The following HNRNPA2B1 variants were observed in gnomAD, a reference collection of about 807,000 sequenced individuals.
HNRNPA2B1 encodes heterogeneous nuclear ribonucleoproteins A2/B1.
A neutral mutation model predicts 46.3 loss-of-function variants in HNRNPA2B1; 3 were observed. The ratio of observed to expected loss-of-function variants is 0.06; its 90% confidence interval spans 0.03 to 0.17. HNRNPA2B1 has a LOEUF of 0.17. HNRNPA2B1 is among the 10% of genes least tolerant of loss of function. The probability of loss-of-function intolerance (pLI) is 1.00; values close to 1 mark genes in which losing one functional copy is unlikely to be tolerated. For synonymous variants in HNRNPA2B1, 225 were observed against 133.8 expected (o/e 1.68, Z -4.70); for missense variants, 221 against 418.9 (o/e 0.53, Z 4.12).
chr7:26,193,742 A>G, intron 7 of HNRNPA2B1, 48 bp from the exon 8 acceptor site: 2 of 1,483,392 alleles, frequency 1.3e-6, no homozygotes, highest in South Asian at 2.4e-5. Flanking sequence ...TTTCAATACC[A>G]TTTTGAACTG....
chr7:26,192,832 A>AT (rs1260990992), intron 9 of HNRNPA2B1, among the ~76,000 whole-genome samples: 1 of 152,108 alleles, frequency 6.6e-6, no homozygotes, highest in Non-Finnish European at 1.5e-5. Context: ...TGAGTAAGGG[A>AT]TTTTTTTAAA....
At chr7:26,200,434 T>C in intron 1 of HNRNPA2B1, 138 bp downstream of exon 1, 4 of 867,114 alleles carry the variant, frequency 4.6e-6, no homozygotes, top group Non-Finnish European at 7.8e-6. Flanking sequence ...ACCCCGTTCA[T>C]AAACCTTAAG....
At chr7:26,195,244 A>C (rs1029281064) in intron 7 of HNRNPA2B1, among the ~76,000 whole-genome samples, 2 of 152,092 alleles carry the variant, frequency 1.3e-5, no homozygotes, top group Admixed American at 6.5e-5. Flanking sequence ...AGTCATGCCT[A>C]TTGAGTGGCA....
chr7:26,196,232 C>A (rs973605759), intron 6 of HNRNPA2B1, among the ~76,000 whole-genome samples, 169 bp downstream of exon 6: 1 of 152,180 alleles, frequency 6.6e-6, no homozygotes, highest in African/African-American at 2.4e-5. Context: ...TAATACAACT[C>A]TATTAACTTC....
chr7:26,195,733 C>G, intron 7 of HNRNPA2B1, 114 bp downstream of exon 7: 1 of 1,180,484 alleles, frequency 8.5e-7, no homozygotes, highest in African/African-American at 1.6e-5. Context: ...TCACCCAAGC[C>G]ATTTATAGAC....
intron 7 of HNRNPA2B1, among the ~76,000 whole-genome samples, chr7:26,194,471 G>A (rs1783281708): frequency 6.6e-6 from 1 of 151,958 alleles, no homozygotes; most frequent in Admixed American, 6.6e-5. Context: ...AGTTGAGGCG[G>A]GTGGATTGCT....
At chr7:26,195,154 C>CT (rs2128116612) in intron 7 of HNRNPA2B1, among the ~76,000 whole-genome samples, 1 of 145,784 alleles carries the variant, frequency 6.9e-6, no homozygotes, top group South Asian at 2.2e-4. Flanking sequence ...GGCTGAGTCT[C>CT]TAACTTGTAG....
chr7:26,200,364 A>G (rs1305804212), intron 1 of HNRNPA2B1: 2 of 631,328 alleles, frequency 3.2e-6, no homozygotes, highest in East Asian at 5.3e-5. Flanking sequence ...CAGTGAAGGG[A>G]AATGGCGCCG....
chr7:26,196,188 T>C (rs539262067), intron 6 of HNRNPA2B1, among the ~76,000 whole-genome samples: 7 of 152,326 alleles, frequency 4.6e-5, no homozygotes, highest in African/African-American at 1.7e-4. Flanking sequence ...ACACTTCATG[T>C]TACATTATTA....
chr7:26,197,584 AAGAC>A, intron 2 of HNRNPA2B1, 34 bp downstream of exon 2: 1 of 1,572,712 alleles, frequency 6.4e-7, no homozygotes, highest in Non-Finnish European at 8.7e-7. Context: ...ATACAGCTAA[AAGAC>A]TAATATCCAG....
chr7:26,195,861 C>G lies in HNRNPA2B1; in HGVS notation c.707G>C (p.Gly236Ala), dbSNP rs1783537001. The change falls in exon 7 of 11, where the codon GGA becomes GCA. Residue 236 changes from glycine to alanine, a missense_variant. Around this residue, in one of 2 missense-constraint regions of HNRNPA2B1, gnomAD observed 143 missense variants for 200.5 expected, o/e 0.71. Coordinates refer to ENST00000618183, the MANE Select transcript of HNRNPA2B1 (RefSeq NM_002137.4). The stretch of plus-strand genomic sequence containing the variant: ...GGAAAACTGACCTCCAGGTCCTCCT[C>G]CATACCCATTATAGCCATCCCCAAA... ...RGFGDGYNGY[G>A]GGPGGGNFGG... The G allele has an allele frequency of 6.2e-7, 1 of 1,611,694 alleles. No homozygotes were observed. Among genetic ancestry groups the G allele is most frequent in the African/African-American group, 1.3e-5 (1 of 74,724 alleles).
In HNRNPA2B1 at chr7:26,190,933, A is replaced by G. The variant is rs1440504961; in HGVS notation, c.*1427T>C. 1 of 152,650 alleles carries G rather than the reference A, an allele frequency of 6.6e-6. No individual in the cohort carries two copies. Among genetic ancestry groups the G allele is most frequent in the Non-Finnish European group, 1.5e-5 (1 of 68,024 alleles). 9.5% of individuals were successfully genotyped at this position (152,650 alleles called of 1,614,324 possible). On this transcript the variant is annotated 3_prime_UTR_variant, in exon 11 of 11. Transcript: ENST00000618183. ...TTTGATCCAAGAAATGTGAATACAC[A>G]AGGGTGTAACGATGGGAAATCTCAT...
chr7:26,192,629 A>ATCAGCCTAACACTACAGTTGATTCTATT, intron 9 of HNRNPA2B1, 52 bp from the exon 10 acceptor site: 1 of 1,444,634 alleles, frequency 6.9e-7, no homozygotes, highest in Non-Finnish European at 9.7e-7. Flanking sequence ...ATTTCCCATG[A>ATCAGCCTAACACTACAGTTGATTCTATT]TCAGCCTAAC....
intron 7 of HNRNPA2B1, among the ~76,000 whole-genome samples, chr7:26,195,029 G>A (rs1752044561): frequency 7.0e-6 from 1 of 141,856 alleles, no homozygotes; most frequent in Non-Finnish European, 1.5e-5. Context: ...GGAAGGCAGA[G>A]ATTGCAGTGA....
In HNRNPA2B1 at chr7:26,195,874, A is replaced by G. The variant is rs150779330; in HGVS notation, c.694T>C (p.Tyr232His). The G allele has an allele frequency of 6.2e-7, 1 of 1,610,850 alleles. No homozygotes were observed. The highest frequency in any genetic ancestry group is 1.3e-5 in the African/African-American group (1 of 74,650). The change falls in exon 7 of 11, where the codon TAT (tyrosine) becomes CAT (histidine). Residue 232 changes from tyrosine to histidine, a missense_variant. Physicochemically the swap from Tyr to His is moderately conservative, Grantham distance 83 (BLOSUM62 2). Transcript: ENST00000618183. ...CCAGGTCCTCCTCCATACCCATTAT[A>G]GCCATCCCCAAATCCACGTCCACTG... The part of the protein sequence containing the change: ...YGSGRGFGDG[Y>H]NGYGGGPGGG...
At chr7:26,200,549 C>T in intron 1 of HNRNPA2B1, 23 bp downstream of exon 1, 1 of 1,612,766 alleles carries the variant, frequency 6.2e-7, no homozygotes, top group South Asian at 1.1e-5. Flanking sequence ...TTTTCAATAA[C>T]TCATTGATTT....
chr7:26,194,065 G>A (rs1040043508), intron 7 of HNRNPA2B1, among the ~76,000 whole-genome samples: 1 of 152,138 alleles, frequency 6.6e-6, no homozygotes, highest in Non-Finnish European at 1.5e-5. Context: ...AAAAGATAAA[G>A]TTTCTATTAT....
intron 7 of HNRNPA2B1, among the ~76,000 whole-genome samples, chr7:26,195,256 C>T (rs574275640): frequency 2.6e-5 from 4 of 152,018 alleles, no homozygotes; most frequent in African/African-American, 9.7e-5. Flanking sequence ...TGAGTGGCAA[C>T]ACCAGAAATC....
Position 26,193,556 on chromosome 7 carries a change from T to A in HNRNPA2B1, c.841+19A>T. 6.3e-7 allele frequency: 1 copy of A among 1,574,802 alleles called. No homozygotes were observed. On this transcript the variant is annotated intron_variant, in intron 8 of 10. Coordinates refer to ENST00000618183, the MANE Select transcript of HNRNPA2B1 (RefSeq NM_002137.4). ...TTAATTCCAAATTCCCACATAAAGG[T>A]TGCAGGTGAATTTATTACCTCCTCC...
Sources: gnomAD v4.1 joint callset for allele counts (sites outside exome capture counted in the v4.1 genomes callset) on GRCh38, gnomAD v4.1.1 for gene constraint, gnomAD v4.1.1 regional missense constraint, MANE v1.5 for transcripts, NCBI Gene and HGNC (gene_info 2026-07-23, HGNC 2026-07-21) for gene names.